CHRM3: variants seen among roughly 807,000 people sequenced by gnomAD.
The protein encoded by CHRM3 is cholinergic receptor muscarinic 3, also known as muscarinic acetylcholine receptor M3.
A neutral mutation model predicts 41.8 loss-of-function variants in CHRM3; 11 were observed. The observed-to-expected ratio is 0.26, with a 90% CI of 0.17 to 0.44. The LOEUF is 0.44. Ranked by LOEUF, CHRM3 falls within the 20% of genes least tolerant of loss-of-function variation. CHRM3 has a pLI of 1.00. For synonymous variants in CHRM3, 297 were observed against 301.4 expected, an observed-to-expected ratio of 0.99 and a Z score of 0.15; for missense variants, 571 against 745.4, an observed-to-expected ratio of 0.77 and a Z score of 2.72.
At chr1:239,469,982 T>C in intron 1 of CHRM3, among the ~76,000 whole-genome samples, 1 of 152,142 alleles carries the variant, frequency 6.6e-6, no homozygotes, top group East Asian at 1.9e-4. Context: ...TAAGTTTGTG[T>C]CACGTTCACA....
At chr1:239,715,607 G>A (rs528892393) in intron 5 of CHRM3, among the ~76,000 whole-genome samples, 2 of 152,106 alleles carry the variant, frequency 1.3e-5, no homozygotes, top group Non-Finnish European at 2.9e-5. Flanking sequence ...GAGGTTGAAG[G>A]TTTGTGTGAG....
chr1:239,729,740 C>T (rs527666041), intron 5 of CHRM3, among the ~76,000 whole-genome samples: 16 of 151,796 alleles, frequency 1.1e-4, no homozygotes, highest in Admixed American at 7.2e-4. Flanking sequence ...CTTAAAAATG[C>T]GTGATGTTAC....
At position 239,405,787 on chromosome 1, in the gene CHRM3, T is replaced by C. The variant is rs546692271; in HGVS notation, c.-521+18560T>C. ...ATATGAGTGACAGAAGTTGCTGTTATGTTCCGTGGACTGTATGTTTTAAAT... is the reference window on the plus strand; with the variant it reads ...ATATGAGTGACAGAAGTTGCTGTTACGTTCCGTGGACTGTATGTTTTAAAT... On this transcript the variant is annotated intron_variant, in intron 1 of 6. Coordinates refer to ENST00000676153, the MANE Select transcript of CHRM3 (RefSeq NM_001375978.1). Among the ~76,000 whole-genome samples, 6 of 152,336 alleles carry C rather than the reference T, an allele frequency of 3.9e-5. No individual in the cohort carries two copies. The South Asian group carries it at 1.2e-3, about 32-fold the overall frequency.
chr1:239,493,435 A>G (rs937149293), intron 2 of CHRM3, among the ~76,000 whole-genome samples: 21 of 152,326 alleles, frequency 1.4e-4, no homozygotes, highest in African/African-American at 5.1e-4. Flanking sequence ...AAAATTATAC[A>G]TCCTTTACTA....
intron 1 of CHRM3, among the ~76,000 whole-genome samples, chr1:239,408,925 A>G (rs1290569707): frequency 6.6e-6 from 1 of 152,108 alleles, no homozygotes; most frequent in Non-Finnish European, 1.5e-5. Flanking sequence ...CCCGGCCTCC[A>G]GAATGCTCTT....
intron 5 of CHRM3, among the ~76,000 whole-genome samples, chr1:239,812,628 T>C (rs1671203257): frequency 2.0e-5 from 3 of 152,202 alleles, no homozygotes; most frequent in Non-Finnish European, 4.4e-5. Context: ...TTTTCTACAG[T>C]GGCAAAACAA....
At chr1:239,479,923 A>G (rs926961639) in intron 1 of CHRM3, among the ~76,000 whole-genome samples, 1 of 152,218 alleles carries the variant, frequency 6.6e-6, no homozygotes, top group Non-Finnish European at 1.5e-5. Context: ...CATTGTCTAC[A>G]TAGGCTACAC....
chr1:239,684,083 T>C (rs1658835521), intron 5 of CHRM3, among the ~76,000 whole-genome samples: 1 of 152,224 alleles, frequency 6.6e-6, no homozygotes, highest in African/African-American at 2.4e-5. Flanking sequence ...TATTCCCGTG[T>C]GGGAGAAGAT....
chr1:239,614,282 A>T (rs1176776891), intron 3 of CHRM3, among the ~76,000 whole-genome samples: 1 of 152,188 alleles, frequency 6.6e-6, no homozygotes, highest in Non-Finnish European at 1.5e-5. Context: ...TTTCCTAGAG[A>T]CCAAGTTTTG....
At chr1:239,753,667 C>G (rs938926541) in intron 5 of CHRM3, among the ~76,000 whole-genome samples, 4 of 152,098 alleles carry the variant, frequency 2.6e-5, no homozygotes, top group Admixed American at 2.6e-4. Flanking sequence ...GAGAGCCAAA[C>G]CATATCAGAT....
At chr1:239,451,754 A>T (rs1664571673) in intron 1 of CHRM3, among the ~76,000 whole-genome samples, 1 of 152,224 alleles carries the variant, frequency 6.6e-6, no homozygotes, top group African/African-American at 2.4e-5. Flanking sequence ...TAACACGGAA[A>T]TATTATTGAA....
intron 5 of CHRM3, among the ~76,000 whole-genome samples, chr1:239,735,111 A>C (rs1258398646): frequency 1.3e-5 from 2 of 152,144 alleles, no homozygotes; most frequent in Admixed American, 6.6e-5. Flanking sequence ...CAGAAAGAGA[A>C]AACTTTATCA....
At chr1:239,391,920 G>C (rs938634998) in intron 1 of CHRM3, among the ~76,000 whole-genome samples, 4 of 152,220 alleles carry the variant, frequency 2.6e-5, no homozygotes, top group African/African-American at 9.6e-5. Context: ...TCCACAACCA[G>C]TGCAGAGTCT....
chr1:239,494,024 T>C (rs910527035), intron 2 of CHRM3, among the ~76,000 whole-genome samples: 2 of 152,206 alleles, frequency 1.3e-5, no homozygotes. Context: ...GATTTGGTAA[T>C]GTATGGGCTC....
intron 4 of CHRM3, among the ~76,000 whole-genome samples, chr1:239,654,782 A>G (rs981625359): frequency 6.6e-6 from 1 of 152,226 alleles, no homozygotes; most frequent in Non-Finnish European, 1.5e-5. Flanking sequence ...ATGAGTTGGA[A>G]CAAAGTGAGA....
At chr1:239,784,616 A>C (rs1259818924) in intron 5 of CHRM3, among the ~76,000 whole-genome samples, 1 of 152,242 alleles carries the variant, frequency 6.6e-6, no homozygotes, top group African/African-American at 2.4e-5. Context: ...ACGTCGTTAC[A>C]ATTAACATTT....
At chr1:239,868,958 T>C (rs570551131) in intron 6 of CHRM3, among the ~76,000 whole-genome samples, 1 of 152,140 alleles carries the variant, frequency 6.6e-6, no homozygotes, top group African/African-American at 2.4e-5. Flanking sequence ...AGCCTCAAGG[T>C]CAAGGTCCTT....
At chr1:239,611,093 A>G (rs17594385) in intron 3 of CHRM3, among the ~76,000 whole-genome samples, 14,274 of 152,148 alleles carry the variant, frequency 0.094, 900 homozygotes, top group Non-Finnish European at 0.12. Context: ...ACAGTAATGA[A>G]TTTTTTAGCA....
At chr1:239,401,520 G>T (rs1173427058) in intron 1 of CHRM3, among the ~76,000 whole-genome samples, 1 of 150,806 alleles carries the variant, frequency 6.6e-6, no homozygotes. Flanking sequence ...TTTTGAGATG[G>T]AGTCTCTGTT....
Sources: gnomAD v4.1 joint callset for allele counts (sites outside exome capture counted in the v4.1 genomes callset) on GRCh38, gnomAD v4.1.1 for gene constraint, MANE v1.5 for transcripts, NCBI Gene and HGNC (gene_info 2026-07-23, HGNC 2026-07-21) for gene names.